The following ANKRD53 variants were observed in gnomAD, a reference collection of about 807,000 sequenced individuals.
The protein encoded by ANKRD53 is ankyrin repeat domain 53.
ANKRD53 carries 27 observed loss-of-function variants against 30.1 expected under a neutral mutation model. The observed-to-expected ratio is 0.90, with a 90% CI of 0.66 to 1.24. ANKRD53 has a LOEUF of 1.24. Among genes scored for constraint, ANKRD53 ranks in the 50% most tolerant of loss-of-function variants. ANKRD53 has a pLI of 0.00. For synonymous variants in ANKRD53, 286 were observed against 295.4 expected (o/e 0.97, Z 0.33); for missense variants, 682 against 721.0 (o/e 0.95, Z 0.62).
intron 1 of ANKRD53, 73 bp from the exon 2 acceptor site, chr2:70,979,024 G>C (rs1283297412): frequency 2.1e-5 from 31 of 1,475,478 alleles, no homozygotes; most frequent in Middle Eastern, 2.5e-4. Context: ...AGCCAGGCGG[G>C]GGCCAGGGAT....
intron 5 of ANKRD53, 104 bp from the exon 6 acceptor site, chr2:70,984,506 AT>A: frequency 6.5e-7 from 1 of 1,536,738 alleles, no homozygotes; most frequent in Non-Finnish European, 8.7e-7. Context: ...AGTTTCCCTC[AT>A]CCTTCAGACT....
chr2:70,979,571 G>C (rs1366300706), intron 2 of ANKRD53, 90 bp from the exon 3 acceptor site: 4 of 1,447,758 alleles, frequency 2.8e-6, no homozygotes, highest in African/African-American at 2.8e-5. Flanking sequence ...AGGGAAGAAA[G>C]TGAAGGTAAC....
chr2:70,980,338 AG>A (rs1401355046), intron 3 of ANKRD53, among the ~76,000 whole-genome samples: 9 of 149,706 alleles, frequency 6.0e-5, no homozygotes, highest in African/African-American at 2.0e-4. Context: ...AAAAAAAAAA[AG>A]ATTGGCCTTT....
chr2:70,980,086 C>T (rs917297764), intron 3 of ANKRD53, among the ~76,000 whole-genome samples: 1 of 152,198 alleles, frequency 6.6e-6, no homozygotes, highest in Non-Finnish European at 1.5e-5. Context: ...AAGGCCGAGG[C>T]AGGCGGATCA....
chr2:70,979,237 C>G lies in ANKRD53; in HGVS notation c.311C>G (p.Thr104Arg), dbSNP rs797036792. The G allele has an allele frequency of 6.2e-7, 1 of 1,613,368 alleles. No individual in the cohort carries two copies. Among genetic ancestry groups the G allele is most frequent in the Non-Finnish European group, 8.5e-7 (1 of 1,180,006 alleles). ...KESDQTAIDQ[T>R]AIGSYYQLFA... ...TCCGACCAGACGGCAATCGACCAGA[C>G]GGCGATCGGGAGCTACTACCAGCTG... The change falls in exon 2 of 6, where the codon ACG (threonine) becomes AGG (arginine). Residue 104 changes from threonine (T) to arginine (R), a missense_variant. By Grantham distance (71) the Thr-to-Arg change is moderately conservative (BLOSUM62 -1). Transcript: ENST00000360589.
chr2:70,985,029 G>T lies in ANKRD53; in HGVS notation c.1322G>T (p.Gly441Val), dbSNP rs1553424548. 6.5e-7 allele frequency: 1 copy of T among 1,549,366 alleles called. No individual in the cohort carries two copies. Reference sequence around the variant, plus strand: ...GGTGCGCGGCTGCACACAGTGGACGGCCACTGGGTGGCGCCCGTGCCGCGG... The same window carrying T: ...GGTGCGCGGCTGCACACAGTGGACGTCCACTGGGTGGCGCCCGTGCCGCGG... ...HGGARLHTVD[G>V]HWVAPVPRLP... is the part of the protein sequence containing the mutation. The change falls in exon 6 of 6, where the codon GGC becomes GTC. Residue 441 changes from glycine (G) to valine (V), a missense_variant. Coordinates refer to ENST00000360589, the MANE Select transcript of ANKRD53 (RefSeq NM_001115116.2).
chr2:70,979,990 A>G, intron 3 of ANKRD53, 130 bp downstream of exon 3: 1 of 1,073,744 alleles, frequency 9.3e-7, no homozygotes, highest in African/African-American at 1.6e-5. Flanking sequence ...GTCCCACATA[A>G]AGCAGTCAGG....
chr2:70,983,184 C>G lies in ANKRD53; in HGVS notation c.903+487C>G, dbSNP rs142181572. Reference sequence around the variant, plus strand: ...CAGAGGAGGCAGGTTACAGGCCCATCAAGGAGGAGAGGGTCCAGGAGGGTG... The same window carrying G: ...CAGAGGAGGCAGGTTACAGGCCCATGAAGGAGGAGAGGGTCCAGGAGGGTG... On this transcript the variant is annotated intron_variant, in intron 5 of 5. Coordinates refer to ENST00000360589, the MANE Select transcript of ANKRD53 (RefSeq NM_001115116.2). Among the ~76,000 whole-genome samples the G allele has an allele frequency of 1.4e-4, 21 of 152,276 alleles. No homozygotes were observed. The East Asian group carries it at 4.1e-3, about 29-fold the overall frequency.
rs1302356205 is a variant in ANKRD53, at chr2:70,984,915, C to T, written c.1208C>T (p.Ser403Leu). The change falls in exon 6 of 6, where the codon TCG becomes TTG. Residue 403 changes from serine to leucine, a missense_variant. Physicochemically the swap from Ser to Leu is moderately radical, Grantham distance 145. Coordinates refer to ENST00000360589, the MANE Select transcript of ANKRD53 (RefSeq NM_001115116.2). ...ARPPTTQISH[S>L]QGIRLGVHPD... ...CCCCCCACCACCCAGATCAGCCACTCGCAGGGCATCCGCCTGGGCGTGCAT... is the reference window on the plus strand; with the variant it reads ...CCCCCCACCACCCAGATCAGCCACTTGCAGGGCATCCGCCTGGGCGTGCAT... The T allele has an allele frequency of 4.5e-6, 7 of 1,550,832 alleles. No individual in the cohort carries two copies. The highest frequency in any genetic ancestry group is 3.5e-6 in the Non-Finnish European group (4 of 1,147,022).
At chr2:70,983,071 C>T (rs375163599) in intron 5 of ANKRD53, among the ~76,000 whole-genome samples, 1 of 152,202 alleles carries the variant, frequency 6.6e-6, no homozygotes, top group Non-Finnish European at 1.5e-5. Flanking sequence ...AGGCACTGGG[C>T]ATTCACTCTG....
rs11549805 is a variant in ANKRD53 at position 70,979,124 on chromosome 2, C to T, written c.198C>T (p.His66=). 7.0e-3 allele frequency: 11,240 copies of T among 1,606,046 alleles called. 294 individuals carry two copies. The highest frequency in any genetic ancestry group is 0.065 in the African/African-American group (4,881 of 74,918). ...PSQPLPDLAD[H]LSAQATALAR... is the part of the protein sequence containing the mutation. ...AGCCCCTGCCCGACCTCGCAGACCA[C>T]CTCAGTGCGCAGGCGACTGCCCTCG... The change falls in exon 2 of 6, where the codon CAC becomes CAT. Residue 66 remains histidine (H), a synonymous_variant. Transcript: ENST00000360589.
At chr2:70,984,482 C>G (rs1674767633) in intron 5 of ANKRD53, 129 bp from the exon 6 acceptor site, 2 of 1,526,796 alleles carry the variant, frequency 1.3e-6, no homozygotes, top group Non-Finnish European at 1.7e-6. Context: ...GACTTTCCCT[C>G]CCATCAGACT....
At chr2:70,981,637 G>A (rs1320496350) in intron 3 of ANKRD53, among the ~76,000 whole-genome samples, 1 of 152,176 alleles carries the variant, frequency 6.6e-6, no homozygotes, top group Non-Finnish European at 1.5e-5. Context: ...GAAAGGGCAG[G>A]GGGCTGGTTG....
intron 2 of ANKRD53, 118 bp downstream of exon 2, chr2:70,979,461 T>G: frequency 6.6e-7 from 1 of 1,514,564 alleles, no homozygotes; most frequent in Non-Finnish European, 8.9e-7. Context: ...TAACTCATCT[T>G]CTGGCTGTGG....
Position 70,981,977 on chromosome 2 carries a change from G to A in ANKRD53, c.659G>A (p.Arg220His), listed in dbSNP as rs569409638. The A allele has an allele frequency of 2.0e-5, 32 of 1,610,272 alleles. No individual in the cohort carries two copies. The highest frequency in any genetic ancestry group is 3.3e-4 in the Middle Eastern group (2 of 6,044). Residue 220 changes from arginine to histidine, a missense_variant, in exon 4 of 6, where the codon CGT (arginine) becomes CAT (histidine). Transcript: ENST00000360589. Reference protein sequence around the residue: ...NGSTPLHLAARDGLLDCVKVL... With the variant: ...NGSTPLHLAAHDGLLDCVKVL... ...TCCACGCCCCTGCACCTGGCAGCCC[G>A]TGACGGCTTGCTGGACTGTGTGAAG...
Position 70,982,917 on chromosome 2 carries a change from T to C in ANKRD53, c.903+220T>C, listed in dbSNP as rs1572936028. Among the ~76,000 whole-genome samples, 2 of 152,344 alleles carry C rather than the reference T, an allele frequency of 1.3e-5. No homozygotes were observed. The highest frequency in any genetic ancestry group is 4.1e-4 in the South Asian group (2 of 4,826). ...GTCTTATCCTGTGTTAGAAAGCCAA[T>C]TTAAGCAAGCTTAAATTCGCAAGTA... On this transcript the variant is annotated intron_variant, in intron 5 of 5. Transcript: ENST00000360589. The surrounding 1 kb of genome is among the most constrained non-coding windows in gnomAD (Gnocchi z 4.2).
At position 70,984,830 on chromosome 2, in the gene ANKRD53, T is replaced by G; in HGVS notation, c.1123T>G (p.Tyr375Asp). 6.4e-7 allele frequency: 1 copy of G among 1,552,406 alleles called. No homozygotes were observed. The highest frequency in any genetic ancestry group is 8.7e-7 in the Non-Finnish European group (1 of 1,147,300). ...PQPTEMPKPI[Y>D]RKPTVKRPTM... ...GCCCACGGAGATGCCCAAGCCCATC[T>G]ACAGGAAGCCCACGGTCAAGCGGCC... Residue 375 changes from tyrosine to aspartate, a missense_variant, in exon 6 of 6, where the codon TAC (tyrosine) becomes GAC (aspartate). Tyr to Asp is a radical substitution (Grantham distance 160). Coordinates refer to ENST00000360589, the MANE Select transcript of ANKRD53 (RefSeq NM_001115116.2).
chr2:70,983,412 C>G lies in ANKRD53; in HGVS notation c.903+715C>G, dbSNP rs1458450950. On this transcript the variant is annotated intron_variant, in intron 5 of 5. Coordinates refer to ENST00000360589, the MANE Select transcript of ANKRD53 (RefSeq NM_001115116.2). ...GAGGCTGACAAGATTTGGCAGGAGCCCACATCAGTGAAGGACCTTGGCTGG... is the reference window on the plus strand; with the variant it reads ...GAGGCTGACAAGATTTGGCAGGAGCGCACATCAGTGAAGGACCTTGGCTGG... Among the ~76,000 whole-genome samples, 6 of 152,188 alleles carry G rather than the reference C, an allele frequency of 3.9e-5. No individual in the cohort carries two copies. In the East Asian group the frequency reaches 7.7e-4, roughly 20 times the overall value.
rs1670140230 is a variant in ANKRD53 at position 70,985,015 on chromosome 2, G to T, written c.1308G>T (p.Leu436=). Residue 436 remains leucine, a synonymous_variant, in exon 6 of 6, where the codon CTG becomes CTT. Transcript: ENST00000360589. The part of the protein sequence containing the change: ...VRPDGHGGAR[L]HTVDGHWVAP... The stretch of plus-strand genomic sequence containing the variant: ...CTGATGGGCACGGCGGTGCGCGGCT[G>T]CACACAGTGGACGGCCACTGGGTGG... 1 of 1,548,880 alleles carries T rather than the reference G, an allele frequency of 6.5e-7. No homozygotes were observed. Among genetic ancestry groups the T allele is most frequent in the Non-Finnish European group, 8.7e-7 (1 of 1,146,548 alleles).
Sources: allele counts gnomAD v4.1 joint callset (sites outside exome capture counted in the v4.1 genomes callset), GRCh38; gene constraint gnomAD v4.1.1; non-coding constraint Gnocchi (gnomAD v3.1); transcripts MANE v1.5; gene names NCBI Gene and HGNC (gene_info 2026-07-23, HGNC 2026-07-21).